NRIP1: variants seen among roughly 807,000 people sequenced by gnomAD.
NRIP1 encodes the protein nuclear receptor-interacting protein 1.
In NRIP1, 28 loss-of-function variants were observed where a neutral mutation model predicts 75.0. The observed-to-expected ratio is 0.37, with a 90% CI of 0.28 to 0.51. The LOEUF (loss-of-function observed/expected upper bound fraction) is 0.51. Ranked by LOEUF, NRIP1 falls within the 20% of genes least tolerant of loss-of-function variation. The probability of loss-of-function intolerance (pLI) is 0.92; values close to 1 mark genes in which losing one functional copy is unlikely to be tolerated. For missense variants in NRIP1, 1,435 were observed against 1,343.7 expected (o/e 1.07, Z -1.06); for synonymous variants, 526 against 487.6 (o/e 1.08, Z -1.04).
At chr21:14,989,048 C>A (rs750034994) in intron 3 of NRIP1, among the ~76,000 whole-genome samples, 1 of 152,150 alleles carries the variant, frequency 6.6e-6, no homozygotes, top group Non-Finnish European at 1.5e-5. Flanking sequence ...GAGTTCGCTG[C>A]ATGCCTCTAA....
In NRIP1 at chr21:15,031,076, C is replaced by T. The variant is rs1417995989; in HGVS notation, c.-458+12419G>A. On this transcript the variant is annotated intron_variant, in intron 2 of 3. Transcript: ENST00000318948. ...ACTACATTCCCTTTCTATGTGTGTA[C>T]ACTCTGGAAGGCGCTCGGAGGATCA... 3.2e-3 allele frequency among the ~76,000 whole-genome samples: 134 copies of T among 41,670 alleles called. 1 individual carries two copies. Among genetic ancestry groups the T allele is most frequent in the African/African-American group, 0.01 (94 of 9,040 alleles). The allele number at this position is 41,670 out of a possible 152,430, so 27.3% of individuals were successfully genotyped here.
At chr21:14,971,208 T>C (rs761351875) in intron 3 of NRIP1, among the ~76,000 whole-genome samples, 28 of 152,182 alleles carry the variant, frequency 1.8e-4, no homozygotes, top group Non-Finnish European at 3.8e-4. Flanking sequence ...ATTACTACAG[T>C]GCAACACAGT....
chr21:15,018,008 G>A (rs2088277326), intron 2 of NRIP1, among the ~76,000 whole-genome samples: 1 of 152,102 alleles, frequency 6.6e-6, no homozygotes, highest in African/African-American at 2.4e-5. Flanking sequence ...AATACTTAAA[G>A]TTTTCCTATA....
chr21:14,966,823 G>T lies in NRIP1; in HGVS notation c.1370C>A (p.Pro457His), dbSNP rs747047446. 6.8e-6 allele frequency: 11 copies of T among 1,614,004 alleles called. No homozygotes were observed. Among genetic ancestry groups the T allele is most frequent in the Non-Finnish European group, 8.5e-6 (10 of 1,180,006 alleles). The change falls in exon 4 of 4, where the codon CCT becomes CAT. Residue 457 changes from proline to histidine, a missense_variant. Coordinates refer to ENST00000318948, the MANE Select transcript of NRIP1 (RefSeq NM_003489.4). ...HRTEKSESDQ[P>H]VSLDNFTQSL... Reference sequence around the variant, plus strand: ...TTGAGTGAAGTTATCCAGGGAAACAGGTTGGTCAGATTCTGATTTTTCAGT... The same window carrying T: ...TTGAGTGAAGTTATCCAGGGAAACATGTTGGTCAGATTCTGATTTTTCAGT...
intron 2 of NRIP1, among the ~76,000 whole-genome samples, chr21:15,022,779 G>A (rs757288704): frequency 2.6e-5 from 4 of 152,170 alleles, no homozygotes; most frequent in African/African-American, 9.7e-5. Context: ...ATCAAGTTAC[G>A]ACGTGACCCA....
intron 3 of NRIP1, among the ~76,000 whole-genome samples, chr21:14,994,475 T>C (rs77864362): frequency 0.015 from 2,265 of 152,304 alleles, 63 homozygotes; most frequent in African/African-American, 0.052. Flanking sequence ...TATTTTCATT[T>C]GACTAGAGAA....
intron 3 of NRIP1, among the ~76,000 whole-genome samples, chr21:15,008,838 A>G (rs536667718): frequency 6.6e-6 from 1 of 152,200 alleles, no homozygotes; most frequent in Non-Finnish European, 1.5e-5. Context: ...ACTAAATGTT[A>G]TCTGGCTTTT....
chr21:15,042,561 T>C (rs574192473), intron 2 of NRIP1, among the ~76,000 whole-genome samples: 12 of 152,312 alleles, frequency 7.9e-5, no homozygotes, highest in African/African-American at 2.6e-4. Flanking sequence ...TGGTGAGTGA[T>C]TAGATCATGA....
At chr21:15,032,039 C>T (rs968557587) in intron 2 of NRIP1, among the ~76,000 whole-genome samples, 3 of 152,186 alleles carry the variant, frequency 2.0e-5, no homozygotes, top group African/African-American at 2.4e-5. Context: ...CTGGAAGGCG[C>T]TTGGAGGACA....
At chr21:15,023,197 A>G (rs2088422982) in intron 2 of NRIP1, among the ~76,000 whole-genome samples, 1 of 152,184 alleles carries the variant, frequency 6.6e-6, no homozygotes, top group African/African-American at 2.4e-5. Flanking sequence ...AACACTTTAA[A>G]CAGGTGAATT....
At chr21:14,989,791 T>C (rs544396402) in intron 3 of NRIP1, among the ~76,000 whole-genome samples, 55 of 152,234 alleles carry the variant, frequency 3.6e-4, no homozygotes, top group African/African-American at 1.3e-3. Flanking sequence ...TATGTGTGTG[T>C]GGAGGTGAGG....
intron 1 of NRIP1, among the ~76,000 whole-genome samples, chr21:15,043,930 C>A (rs1290012933): frequency 6.6e-6 from 1 of 152,122 alleles, no homozygotes; most frequent in East Asian, 1.9e-4. Context: ...GCGATTCTCC[C>A]ACCTCAGTCT....
At chr21:15,056,170 T>C (rs1191883265) in intron 1 of NRIP1, among the ~76,000 whole-genome samples, 3 of 151,920 alleles carry the variant, frequency 2.0e-5, no homozygotes, top group East Asian at 3.9e-4. Context: ...GCCTCTAAGA[T>C]AGGTGTGCTT....
At chr21:15,014,740 T>C (rs2088185339) in intron 2 of NRIP1, among the ~76,000 whole-genome samples, 1 of 152,168 alleles carries the variant, frequency 6.6e-6, no homozygotes, top group Non-Finnish European at 1.5e-5. Flanking sequence ...TTATTAACCT[T>C]TGTTAATTTC....
chr21:15,060,677 T>A (rs2089405625), intron 1 of NRIP1, among the ~76,000 whole-genome samples: 1 of 152,138 alleles, frequency 6.6e-6, no homozygotes, highest in South Asian at 2.1e-4. Flanking sequence ...CTCAGAGACA[T>A]TCAAAACAAA....
chr21:15,039,080 G>A (rs950428363), intron 2 of NRIP1, among the ~76,000 whole-genome samples: 3 of 152,100 alleles, frequency 2.0e-5, no homozygotes, highest in Admixed American at 1.3e-4. Context: ...TGAATTGTGT[G>A]GTCACCAGGG....
intron 2 of NRIP1, among the ~76,000 whole-genome samples, chr21:15,031,073 G>GTA (rs2088666469): frequency 8.3e-5 from 2 of 24,192 alleles, no homozygotes; most frequent in African/African-American, 3.1e-4. Flanking sequence ...TTCTATGTGT[G>GTA]TACACTCTGG....
chr21:14,988,124 G>A (rs2147055672), intron 3 of NRIP1: 1 of 152,298 alleles, frequency 6.6e-6, no homozygotes, highest in African/African-American at 2.4e-5. Flanking sequence ...CTGGATTCCT[G>A]ACTCTGCTAT....
chr21:15,049,951 T>C (rs377472117), intron 1 of NRIP1, among the ~76,000 whole-genome samples: 23 of 152,288 alleles, frequency 1.5e-4, no homozygotes, highest in African/African-American at 4.6e-4. Context: ...ATACATGATG[T>C]CACTTTGTCC....
Sources: gnomAD v4.1 joint callset for allele counts (sites outside exome capture counted in the v4.1 genomes callset) on GRCh38, gnomAD v4.1.1 for gene constraint, MANE v1.5 for transcripts, NCBI Gene and HGNC (gene_info 2026-07-23, HGNC 2026-07-21) for gene names.